Variants in GABRB3 observed in about 807,000 individuals in gnomAD.
GABRB3 encodes gamma-aminobutyric acid receptor subunit beta-3.
GABRB3 carries 14 observed loss-of-function variants against 52.1 expected under a neutral mutation model. The ratio of observed to expected loss-of-function variants is 0.27; its 90% CI spans 0.18 to 0.42. The LOEUF (loss-of-function observed/expected upper bound fraction) is 0.42, where lower values mean the gene tolerates loss of function less well. GABRB3 is among the 10% of genes least tolerant of loss of function. The probability of loss-of-function intolerance (pLI) is 1.00; values close to 1 mark genes in which losing one functional copy is unlikely to be tolerated. For missense variants in GABRB3, 307 were observed against 609.1 expected, an observed-to-expected ratio of 0.50 and a Z score of 5.22; for synonymous variants, 260 against 232.3, an observed-to-expected ratio of 1.12 and a Z score of -1.08.
At chr15:26,572,305 G>A (rs751402033) in intron 6 of GABRB3, among the ~76,000 whole-genome samples, 3 of 152,180 alleles carry the variant, frequency 2.0e-5, no homozygotes, top group Non-Finnish European at 4.4e-5. Flanking sequence ...TAGGGCACAC[G>A]CCTAAGTGAT....
chr15:26,599,366 G>A (rs1445465002), intron 4 of GABRB3, among the ~76,000 whole-genome samples: 2 of 152,122 alleles, frequency 1.3e-5, no homozygotes, highest in African/African-American at 4.8e-5. Context: ...CATCAGGATG[G>A]GCTCCACCCA....
intron 3 of GABRB3, among the ~76,000 whole-genome samples, chr15:26,663,805 C>T (rs1245843480): frequency 1.3e-5 from 2 of 152,116 alleles, no homozygotes; most frequent in Non-Finnish European, 2.9e-5. Context: ...GTTTGCTTTT[C>T]CTCTTGCATT....
rs1279209276 is a variant in GABRB3, at chr15:26,545,183, T to C, written c.*2610A>G. 7.0e-6 allele frequency: 1 copy of C among 143,094 alleles called. No individual in the cohort carries two copies. The highest frequency in any genetic ancestry group is 1.5e-5 in the Non-Finnish European group (1 of 66,058). 8.9% of individuals were successfully genotyped at this position (143,094 alleles called of 1,614,324 possible). A position where few individuals can be genotyped will look rare whatever the true frequency, so the allele number is the denominator to read the frequency against. On this transcript the variant is annotated 3_prime_UTR_variant, in exon 9 of 9. Transcript: ENST00000311550. ...AGTTTTTTTTTGTTTTTACAGAATA[T>C]ATGTATGTATTTGTGTGTGTGTGTG...
At chr15:26,741,367 C>T (rs1240287585) in intron 3 of GABRB3, among the ~76,000 whole-genome samples, 1 of 152,176 alleles carries the variant, frequency 6.6e-6, no homozygotes, top group African/African-American at 2.4e-5. Flanking sequence ...AGACCCATCA[C>T]AGTCATCACA....
At chr15:26,750,651 AG>A (rs763196757) in intron 3 of GABRB3, among the ~76,000 whole-genome samples, 3 of 152,208 alleles carry the variant, frequency 2.0e-5, no homozygotes, top group Non-Finnish European at 4.4e-5. Context: ...TGAAGAGAAA[AG>A]TTAATGCAAG....
chr15:26,582,373 A>C (rs1300777852), intron 5 of GABRB3, among the ~76,000 whole-genome samples: 2 of 152,224 alleles, frequency 1.3e-5, no homozygotes, highest in Admixed American at 1.3e-4. Flanking sequence ...AAGCCAGTTA[A>C]CTTCTTAAGA....
intron 3 of GABRB3, among the ~76,000 whole-genome samples, chr15:26,707,672 T>C (rs777948740): frequency 1.3e-5 from 2 of 152,196 alleles, no homozygotes; most frequent in Non-Finnish European, 2.9e-5. Flanking sequence ...TAGGGTTCAC[T>C]GCCCCAGGCT....
At chr15:26,690,106 A>ATTT (rs56143305) in intron 3 of GABRB3, among the ~76,000 whole-genome samples, 3,057 of 137,448 alleles carry the variant, frequency 0.022, 130 homozygotes, top group Admixed American at 0.075. Flanking sequence ...AGGTACACGG[A>ATTT]TTTTTTTTTT....
chr15:26,621,484 G>A lies in GABRB3; in HGVS notation c.291C>T (p.Leu97=), dbSNP rs779511362. 24 of 1,613,940 alleles carry A rather than the reference G, an allele frequency of 1.5e-5. No individual in the cohort carries two copies. The highest frequency in any genetic ancestry group is 1.6e-4 in the Middle Eastern group (1 of 6,082). ...GGTTGAGAGGGATCCCAGAATAGGC[G>A]AGCCTTTTATCTCTCCAATATTGTT... The part of the protein sequence containing the change: ...YFQQYWRDKR[L]AYSGIPLNLT... The change falls in exon 4 of 9, where the codon CTC becomes CTT. Residue 97 remains leucine, a synonymous_variant. Transcript: ENST00000311550. This position sits in a 1 kb window ranked among gnomAD's most constrained non-coding sequence, Gnocchi z 4.1.
At chr15:26,585,002 G>A (rs1205893459) in intron 4 of GABRB3, among the ~76,000 whole-genome samples, 1 of 152,062 alleles carries the variant, frequency 6.6e-6, no homozygotes, top group East Asian at 1.9e-4. Flanking sequence ...TGGTTTACAG[G>A]CTTGTGATGC....
upstream of GABRB3, chr15:26,773,070 C>T: frequency 1.9e-6 from 2 of 1,049,748 alleles, no homozygotes; most frequent in Non-Finnish European, 2.3e-6. Context: ...CCGCGCTGGC[C>T]CGGAGCGGAG....
chr15:26,572,119 C>T lies in GABRB3; in HGVS notation c.683-4386G>A, dbSNP rs557952498. On this transcript the variant is annotated intron_variant, in intron 6 of 8. Transcript: ENST00000311550. The stretch of plus-strand genomic sequence containing the variant: ...AATGTTCCGGTATCCGGCGCATGCC[C>T]CACACATCCTAGTCTCTGAGGTGGA... 4.6e-5 allele frequency among the ~76,000 whole-genome samples: 7 copies of T among 152,124 alleles called. No individual in the cohort carries two copies. In the East Asian group the frequency reaches 5.8e-4, roughly 13 times the overall value.
intron 4 of GABRB3, among the ~76,000 whole-genome samples, chr15:26,604,114 A>C (rs1891688571): frequency 6.6e-6 from 1 of 152,108 alleles, no homozygotes; most frequent in African/African-American, 2.4e-5. Flanking sequence ...TAGCACTTCT[A>C]TATGGCAACA....
intron 3 of GABRB3, among the ~76,000 whole-genome samples, chr15:26,703,074 G>C (rs970716050): frequency 6.6e-6 from 1 of 152,116 alleles, no homozygotes; most frequent in African/African-American, 2.4e-5. Flanking sequence ...ATCCCATTCA[G>C]GAAGGCTCTG....
At chr15:26,637,443 G>T (rs1207402689) in intron 3 of GABRB3, among the ~76,000 whole-genome samples, 1 of 152,198 alleles carries the variant, frequency 6.6e-6, no homozygotes, top group African/African-American at 2.4e-5. Context: ...AACATCAGCT[G>T]CATGAGTGCA....
At chr15:26,581,134 C>G (rs12440905) in intron 5 of GABRB3, 144,218 of 161,088 alleles carry the variant, frequency 0.9, 66,142 homozygotes, top group South Asian at 0.99. Flanking sequence ...ATATTTACAG[C>G]GTGATTCATC....
chr15:26,696,541 T>C (rs764983333), intron 3 of GABRB3, among the ~76,000 whole-genome samples: 1 of 152,158 alleles, frequency 6.6e-6, no homozygotes, highest in African/African-American at 2.4e-5. Flanking sequence ...ATGCCTGGTA[T>C]AACCCCATGT....
chr15:26,636,395 C>T (rs1297335682), intron 3 of GABRB3, among the ~76,000 whole-genome samples: 1 of 152,150 alleles, frequency 6.6e-6, no homozygotes, highest in Non-Finnish European at 1.5e-5. Flanking sequence ...TGGATACATG[C>T]TCTCCTGCCT....
At chr15:26,713,510 G>T (rs1889369349) in intron 3 of GABRB3, among the ~76,000 whole-genome samples, 1 of 152,110 alleles carries the variant, frequency 6.6e-6, no homozygotes, top group Non-Finnish European at 1.5e-5. Context: ...AAGGAGAGAG[G>T]AAGAGGCTAC....
Sources: gnomAD v4.1 joint callset for allele counts (sites outside exome capture counted in the v4.1 genomes callset) on GRCh38, gnomAD v4.1.1 for gene constraint, Gnocchi (gnomAD v3.1) non-coding constraint, MANE v1.5 for transcripts, NCBI Gene and HGNC (gene_info 2026-07-23, HGNC 2026-07-21) for gene names.